The following NSF variants were observed in gnomAD, a reference collection of about 807,000 sequenced individuals.
The protein encoded by NSF is N-ethylmaleimide sensitive factor, vesicle fusing ATPase.
NSF carries 14 observed loss-of-function variants against 50.3 expected under a neutral mutation model. The observed-to-expected ratio is 0.28, with a 90% CI of 0.18 to 0.44. The LOEUF (loss-of-function observed/expected upper bound fraction) is 0.44, where lower values mean the gene tolerates loss of function less well. Among genes scored for constraint, NSF ranks in the 20% least tolerant of loss-of-function variants. The pLI is 1.00. For synonymous variants in NSF, 109 were observed against 175.7 expected (o/e 0.62, Z 3.00); for missense variants, 218 against 504.3 (o/e 0.43, Z 5.44).
At chr17:46,723,587 G>T (rs1401736907) in intron 15 of NSF, among the ~76,000 whole-genome samples, 2 of 152,048 alleles carry the variant, frequency 1.3e-5, no homozygotes, top group Admixed American at 1.3e-4. Flanking sequence ...TTCCCTTCTT[G>T]CTCTTTAAAT....
intron 1 of NSF, among the ~76,000 whole-genome samples, chr17:46,622,704 G>A (rs1327996455): frequency 6.8e-6 from 1 of 146,408 alleles, no homozygotes; most frequent in Non-Finnish European, 1.5e-5. Flanking sequence ...AACCAGGGAG[G>A]CAGAGATTGC....
chr17:46,691,544 A>G (rs1406579670), intron 9 of NSF, among the ~76,000 whole-genome samples: 1 of 149,062 alleles, frequency 6.7e-6, no homozygotes. Context: ...GCAGTGAGCT[A>G]AGATTGCGTC....
At chr17:46,733,139 G>A (rs546770401) in intron 17 of NSF, among the ~76,000 whole-genome samples, 2 of 152,274 alleles carry the variant, frequency 1.3e-5, no homozygotes, top group African/African-American at 4.8e-5. Context: ...TCCTAACGCC[G>A]TCTCTTTTAC....
intron 17 of NSF, among the ~76,000 whole-genome samples, chr17:46,742,430 G>A (rs1459982265): frequency 1.3e-5 from 2 of 152,218 alleles, no homozygotes; most frequent in Non-Finnish European, 2.9e-5. Context: ...AAGGCAGTAT[G>A]CTAGCCCTGG....
At chr17:46,722,168 G>A (rs1270293874) in intron 15 of NSF, 1 of 1,611,408 alleles carries the variant, frequency 6.2e-7, no homozygotes, top group Non-Finnish European at 8.5e-7. Context: ...AACTGAACAT[G>A]GCTTTCTCCT....
intron 9 of NSF, among the ~76,000 whole-genome samples, chr17:46,679,415 GA>G (rs1246410234): frequency 7.5e-6 from 1 of 133,722 alleles, no homozygotes; most frequent in Non-Finnish European, 1.6e-5. Context: ...CTAAAATATG[GA>G]AAAAAACGTT....
chr17:46,741,369 G>A (rs1306544079), intron 17 of NSF, among the ~76,000 whole-genome samples: 1 of 152,062 alleles, frequency 6.6e-6, no homozygotes, highest in Non-Finnish European at 1.5e-5. Context: ...ATTATTAAGG[G>A]TTCAGTTTCT....
chr17:46,720,868 C>A (rs2058822503), intron 15 of NSF, among the ~76,000 whole-genome samples: 1 of 152,192 alleles, frequency 6.6e-6, no homozygotes, highest in Non-Finnish European at 1.5e-5. Context: ...GGCTGAATCT[C>A]CTGAGAGCAT....
chr17:46,693,138 T>C (rs2058562136), intron 10 of NSF, 70 bp downstream of exon 10: 1 of 1,350,738 alleles, frequency 7.4e-7, no homozygotes, highest in South Asian at 1.6e-5. Context: ...TTAAGATGTG[T>C]GTAGGTTGTG....
chr17:46,755,201 GAC>G, intron 19 of NSF, 111 bp from the exon 20 acceptor site: 1 of 745,918 alleles, frequency 1.3e-6, no homozygotes, highest in Admixed American at 2.0e-5. Flanking sequence ...CACATTCAGT[GAC>G]CTAGCAGAGC....
chr17:46,735,365 G>T (rs2058991306), intron 17 of NSF, among the ~76,000 whole-genome samples: 1 of 151,750 alleles, frequency 6.6e-6, no homozygotes, highest in African/African-American at 2.4e-5. Flanking sequence ...ATTAGCTTTT[G>T]AAAGGTGGGG....
chr17:46,712,530 AGAT>A (rs2058730166), intron 14 of NSF, among the ~76,000 whole-genome samples: 2 of 152,362 alleles, frequency 1.3e-5, no homozygotes, highest in South Asian at 2.1e-4. Flanking sequence ...TCTGGAAGAA[AGAT>A]GATGAGTTCA....
At chr17:46,747,782 G>A (rs2059145691) in intron 17 of NSF, among the ~76,000 whole-genome samples, 2 of 152,150 alleles carry the variant, frequency 1.3e-5, no homozygotes, top group African/African-American at 4.8e-5. Context: ...TAGTCCTAGA[G>A]AATCAGTATC....
chr17:46,720,077 A>G (rs914597130), intron 15 of NSF, among the ~76,000 whole-genome samples: 1 of 152,106 alleles, frequency 6.6e-6, no homozygotes, highest in Non-Finnish European at 1.5e-5. Context: ...TCCTCTTTTC[A>G]TGGTTTAGTC....
chr17:46,725,781 A>T (rs947566626), intron 15 of NSF, among the ~76,000 whole-genome samples: 3 of 152,098 alleles, frequency 2.0e-5, no homozygotes, highest in African/African-American at 7.2e-5. Flanking sequence ...GCAGAAACTA[A>T]TTCTTACTCA....
intron 18 of NSF, 116 bp downstream of exon 18, chr17:46,750,023 C>T (rs999484150): frequency 2.1e-5 from 25 of 1,193,696 alleles, no homozygotes; most frequent in Admixed American, 6.3e-5. Flanking sequence ...ACATGGGACC[C>T]GGGGATATTA....
chr17:46,685,289 A>G (rs531076745), intron 9 of NSF, among the ~76,000 whole-genome samples: 1 of 148,766 alleles, frequency 6.7e-6, no homozygotes, highest in East Asian at 2.1e-4. Context: ...CTGATGATAA[A>G]ATTGAGTTAG....
intron 17 of NSF, among the ~76,000 whole-genome samples, chr17:46,742,156 G>C (rs906256798): frequency 6.6e-6 from 1 of 152,158 alleles, no homozygotes; most frequent in Non-Finnish European, 1.5e-5. Flanking sequence ...CTAATCAATT[G>C]ATTAAAAGAG....
In NSF at chr17:46,711,465, G is replaced by T. The variant is rs1441151539; in HGVS notation, c.1627+346G>T. Among the ~76,000 whole-genome samples the T allele has an allele frequency of 2.0e-5, 3 of 152,272 alleles. No homozygotes were observed. The East Asian group carries it at 5.8e-4, about 29-fold the overall frequency. Reference sequence around the variant, plus strand: ...TTGAACTAGTTGCTGGGGATACAAAGACATTCAAGTGTTCATTCAGTCTGG... The same window carrying T: ...TTGAACTAGTTGCTGGGGATACAAATACATTCAAGTGTTCATTCAGTCTGG... On this transcript the variant is annotated intron_variant, in intron 14 of 20. Coordinates refer to ENST00000398238, the MANE Select transcript of NSF (RefSeq NM_006178.4).
Sources: allele counts gnomAD v4.1 joint callset (sites outside exome capture counted in the v4.1 genomes callset), GRCh38; gene constraint gnomAD v4.1.1; transcripts MANE v1.5; gene names NCBI Gene and HGNC (gene_info 2026-07-23, HGNC 2026-07-21).